DSCAM: variants seen among roughly 807,000 people sequenced by gnomAD.
The protein encoded by DSCAM is DS cell adhesion molecule, also known as cell adhesion molecule DSCAM.
DSCAM carries 47 observed loss-of-function variants against 217.7 expected under a neutral mutation model. The observed-to-expected ratio is 0.22, with a 90% CI of 0.17 to 0.28. The LOEUF (loss-of-function observed/expected upper bound fraction) is 0.28, where lower values mean the gene tolerates loss of function less well. DSCAM is among the 10% of genes least tolerant of loss of function. The pLI, the probability that DSCAM is intolerant of heterozygous loss-of-function variation, is 1.00. For missense variants in DSCAM, 2,080 were observed against 2,618.3 expected (o/e 0.79, Z 4.49); for synonymous variants, 1,056 against 1,015.3 (o/e 1.04, Z -0.76).
chr21:40,693,391 T>A (rs576156419), intron 2 of DSCAM, among the ~76,000 whole-genome samples: 1 of 152,094 alleles, frequency 6.6e-6, no homozygotes, highest in African/African-American at 2.4e-5. Flanking sequence ...TATAATCATA[T>A]CACTGCACCC....
intron 10 of DSCAM, 110 bp from the exon 11 acceptor site, chr21:40,276,380 T>G: frequency 1.1e-6 from 1 of 941,974 alleles, no homozygotes; most frequent in Non-Finnish European, 1.4e-6. Context: ...ACTGATCCCA[T>G]AAGGCAGTCA....
chr21:40,060,574 G>A (rs112121039), intron 28 of DSCAM, among the ~76,000 whole-genome samples: 5,875 of 151,970 alleles, frequency 0.039, 178 homozygotes, highest in Non-Finnish European at 0.056. Context: ...GCCCGGGGTG[G>A]GGTAGGGGTG....
intron 3 of DSCAM, among the ~76,000 whole-genome samples, chr21:40,676,999 T>C (rs941459242): frequency 6.6e-6 from 1 of 152,080 alleles, no homozygotes; most frequent in African/African-American, 2.4e-5. Flanking sequence ...TTTTCAATGA[T>C]AGGGTTTCAA....
intron 3 of DSCAM, among the ~76,000 whole-genome samples, chr21:40,655,076 G>T (rs2090059109): frequency 6.6e-6 from 1 of 152,134 alleles, no homozygotes; most frequent in South Asian, 2.1e-4. Context: ...CAGAGAAGGA[G>T]AGAGAAAATG....
chr21:40,700,721 T>C (rs2090646695), intron 2 of DSCAM, among the ~76,000 whole-genome samples: 2 of 149,560 alleles, frequency 1.3e-5, no homozygotes, highest in African/African-American at 5.0e-5. Context: ...ATAATTTTTA[T>C]TCTTTCTTTC....
At chr21:40,342,626 G>GTGTGTATATATATATATA (rs1491362590) in intron 6 of DSCAM, among the ~76,000 whole-genome samples, 8 of 94,708 alleles carry the variant, frequency 8.4e-5, no homozygotes, top group African/African-American at 3.5e-4. Flanking sequence ...GTGTGTGTGT[G>GTGTGTATATATATATATA]TATATATATA....
In DSCAM at chr21:40,093,853, A is replaced by G. The variant is rs1175822502; in HGVS notation, c.3718T>C (p.Ser1240Pro). The change falls in exon 21 of 33, where the codon TCT (serine) becomes CCT (proline). Residue 1240 changes from serine to proline, a missense_variant. Around this residue, in one of 5 missense-constraint regions of DSCAM, gnomAD observed 1,144 missense variants for 1,421.1 expected, o/e 0.81. Transcript: ENST00000400454. ...YPTVISEFEA[S>P]PDSFSYRIPN... The stretch of plus-strand genomic sequence containing the variant: ...ATTCTGTAGGAAAACGAGTCGGGAG[A>G]GGCCTCAAACTCGCTGATCACCTGT... The G allele has an allele frequency of 6.2e-7, 1 of 1,613,812 alleles. No individual in the cohort carries two copies. The highest frequency in any genetic ancestry group is 1.7e-5 in the Admixed American group (1 of 59,984).
chr21:40,291,726 CTATTT>C (rs1289286109), intron 10 of DSCAM, among the ~76,000 whole-genome samples: 1 of 152,198 alleles, frequency 6.6e-6, no homozygotes, highest in Non-Finnish European at 1.5e-5. Context: ...TTTGACAATG[CTATTT>C]TAAATGCAAA....
chr21:40,440,985 G>A (rs1185134972), intron 3 of DSCAM, among the ~76,000 whole-genome samples: 1 of 152,180 alleles, frequency 6.6e-6, no homozygotes, highest in Non-Finnish European at 1.5e-5. Context: ...GGTCTGCACT[G>A]GATGCAGGCT....
chr21:40,677,060 C>CG (rs1008484477), intron 3 of DSCAM, among the ~76,000 whole-genome samples: 47 of 152,010 alleles, frequency 3.1e-4, no homozygotes, highest in African/African-American at 8.2e-4. Flanking sequence ...TCTAATTAGC[C>CG]GGGGGGGAAT....
chr21:40,817,988 C>G (rs946601321), intron 1 of DSCAM, among the ~76,000 whole-genome samples: 2 of 148,102 alleles, frequency 1.4e-5, no homozygotes, highest in Non-Finnish European at 3.0e-5. Flanking sequence ...CCCAGCTACT[C>G]GGGAGGCTGA....
At chr21:40,629,588 C>G (rs566730222) in intron 3 of DSCAM, 1 of 152,208 alleles carries the variant, frequency 6.6e-6, no homozygotes, top group African/African-American at 2.4e-5. Flanking sequence ...TCCCCAGATG[C>G]AGCATGCTCC....
intron 10 of DSCAM, among the ~76,000 whole-genome samples, chr21:40,287,723 G>C (rs1250816697): frequency 6.6e-6 from 1 of 152,172 alleles, no homozygotes; most frequent in Admixed American, 6.5e-5. Flanking sequence ...GGCTGACACT[G>C]AGCAGAAGAG....
Position 40,821,387 on chromosome 21 carries a change from A to ATG in DSCAM, c.43+25231_43+25232insCA, listed in dbSNP as rs1555892366. Among the ~76,000 whole-genome samples, 722 of 150,222 alleles carry ATG rather than the reference A, an allele frequency of 4.8e-3. 1 individual carries two copies. Among genetic ancestry groups the ATG allele is most frequent in the African/African-American group, 0.015 (618 of 40,982 alleles). ...TGCATGCATGCACACACACAGACAC[A>ATG]CGCGCGCACACACACACACACACAC... is the stretch of plus-strand genomic sequence containing the variant. On this transcript the variant is annotated intron_variant, in intron 1 of 32. Transcript: ENST00000400454.
intron 1 of DSCAM, among the ~76,000 whole-genome samples, chr21:40,712,674 T>TG (rs895781237): frequency 1.6e-4 from 24 of 152,316 alleles, no homozygotes; most frequent in African/African-American, 5.8e-4. Flanking sequence ...TCATGTGGTA[T>TG]GTCAAACTTC....
intron 30 of DSCAM, among the ~76,000 whole-genome samples, chr21:40,047,613 G>A (rs553190138): frequency 1.7e-4 from 26 of 152,266 alleles, no homozygotes; most frequent in African/African-American, 5.1e-4. Context: ...CATGTCATGC[G>A]TACTGTGATC....
In DSCAM at chr21:40,118,146, A is replaced by C. The variant is rs2089993893; in HGVS notation, c.3696+6049T>G. ...TTAGGTAAAAACTGCGAAGTCATCCAATAAATTTGCACTAGGAAATAACAT... is the reference window on the plus strand; with the variant it reads ...TTAGGTAAAAACTGCGAAGTCATCCCATAAATTTGCACTAGGAAATAACAT... On this transcript the variant is annotated intron_variant, in intron 20 of 32. Transcript: ENST00000400454. Among the ~76,000 whole-genome samples the C allele has an allele frequency of 2.0e-5, 3 of 152,262 alleles. No individual in the cohort carries two copies. The South Asian group carries it at 6.2e-4, about 31-fold the overall frequency.
At chr21:40,109,124 T>A (rs1004924028) in intron 20 of DSCAM, among the ~76,000 whole-genome samples, 2 of 152,070 alleles carry the variant, frequency 1.3e-5, no homozygotes, top group African/African-American at 4.8e-5. Context: ...CCAAAAGCAA[T>A]TCGCAACAAC....
chr21:40,376,187 C>T (rs1601596782), intron 3 of DSCAM, among the ~76,000 whole-genome samples: 2 of 152,180 alleles, frequency 1.3e-5, no homozygotes, highest in East Asian at 1.9e-4. Flanking sequence ...GTAGCACAAG[C>T]ACGATGAAGC....
Sources: allele counts gnomAD v4.1 joint callset (sites outside exome capture counted in the v4.1 genomes callset), GRCh38; gene constraint gnomAD v4.1.1; regional missense constraint gnomAD v4.1.1; transcripts MANE v1.5; gene names NCBI Gene and HGNC (gene_info 2026-07-23, HGNC 2026-07-21).